The following KCNH7 variants were observed in gnomAD, a reference collection of about 807,000 sequenced individuals.
The protein encoded by KCNH7 is potassium voltage-gated channel subfamily H member 7.
In KCNH7, 49 loss-of-function variants were observed where a neutral mutation model predicts 120.8. The ratio of observed to expected loss-of-function variants is 0.41; its 90% CI spans 0.32 to 0.51. KCNH7 has a LOEUF of 0.51. Ranked by LOEUF, KCNH7 falls within the 20% of genes least tolerant of loss-of-function variation. The probability of loss-of-function intolerance (pLI) is 0.38; values close to 1 mark genes in which losing one functional copy is unlikely to be tolerated. For synonymous variants in KCNH7, 547 were observed against 516.1 expected (o/e 1.06, Z -0.81); for missense variants, 1,097 against 1,446.6 (o/e 0.76, Z 3.92).
chr2:162,767,643 G>A (rs1234629752), intron 2 of KCNH7, among the ~76,000 whole-genome samples: 1 of 152,030 alleles, frequency 6.6e-6, no homozygotes. Context: ...TTTCCCCACA[G>A]ATACAGAAGG....
chr2:162,632,206 G>A (rs1343104815), intron 2 of KCNH7, among the ~76,000 whole-genome samples: 3 of 151,966 alleles, frequency 2.0e-5, no homozygotes, highest in Non-Finnish European at 2.9e-5. Context: ...CAGCTTTTCC[G>A]TAAAGCAGGA....
At chr2:162,571,247 A>T (rs1693463436) in intron 2 of KCNH7, among the ~76,000 whole-genome samples, 1 of 152,138 alleles carries the variant, frequency 6.6e-6, no homozygotes, top group Non-Finnish European at 1.5e-5. Context: ...CTTATACACC[A>T]ACAACAGACA....
At chr2:162,455,607 A>G (rs1378144729) in intron 6 of KCNH7, among the ~76,000 whole-genome samples, 1 of 152,126 alleles carries the variant, frequency 6.6e-6, no homozygotes, top group Non-Finnish European at 1.5e-5. Flanking sequence ...TACTGCCTCA[A>G]TTTCAGAACT....
At chr2:162,465,459 T>C (rs1174283762) in intron 6 of KCNH7, among the ~76,000 whole-genome samples, 1 of 152,216 alleles carries the variant, frequency 6.6e-6, no homozygotes, top group East Asian at 1.9e-4. Context: ...TCATGTGCCC[T>C]ATACACTTAT....
chr2:162,416,875 T>C (rs1372547616), intron 9 of KCNH7, among the ~76,000 whole-genome samples: 6 of 152,180 alleles, frequency 3.9e-5, no homozygotes, highest in Admixed American at 1.3e-4. Flanking sequence ...AGGAGATTTC[T>C]TTTTAGGTAT....
At chr2:162,471,140 C>G (rs1310912886) in intron 6 of KCNH7, among the ~76,000 whole-genome samples, 1 of 151,938 alleles carries the variant, frequency 6.6e-6, no homozygotes, top group Non-Finnish European at 1.5e-5. Context: ...CCTAGGAAAA[C>G]CAGAGACCTT....
intron 14 of KCNH7, among the ~76,000 whole-genome samples, chr2:162,377,647 T>A (rs575067779): frequency 6.6e-6 from 1 of 152,138 alleles, no homozygotes; most frequent in Non-Finnish European, 1.5e-5. Flanking sequence ...GTGGATCTTA[T>A]AGAGTCTTTG....
At chr2:162,733,754 C>CATTT (rs1341454497) in intron 2 of KCNH7, among the ~76,000 whole-genome samples, 3 of 152,166 alleles carry the variant, frequency 2.0e-5, no homozygotes, top group African/African-American at 7.2e-5. Flanking sequence ...AAAGAAGGAG[C>CATTT]ATTTGATCCA....
intron 6 of KCNH7, among the ~76,000 whole-genome samples, chr2:162,486,375 TA>T (rs1203971500): frequency 1.3e-5 from 2 of 152,184 alleles, no homozygotes; most frequent in African/African-American, 4.8e-5. Flanking sequence ...TTTTCTCCAT[TA>T]CTCTGCAGCC....
At chr2:162,590,044 T>C (rs1694157426) in intron 2 of KCNH7, among the ~76,000 whole-genome samples, 1 of 152,108 alleles carries the variant, frequency 6.6e-6, no homozygotes, top group Admixed American at 6.6e-5. Context: ...CAGAAAGTGT[T>C]TGTTAAGGGA....
intron 3 of KCNH7, among the ~76,000 whole-genome samples, chr2:162,530,819 A>C (rs1393085439): frequency 6.6e-6 from 1 of 151,970 alleles, no homozygotes; most frequent in Non-Finnish European, 1.5e-5. Flanking sequence ...TCAAAGAAAA[A>C]AAATCAGCAG....
intron 6 of KCNH7, among the ~76,000 whole-genome samples, chr2:162,451,073 T>C: frequency 6.6e-6 from 1 of 152,056 alleles, no homozygotes; most frequent in South Asian, 2.1e-4. Flanking sequence ...CCTTAAATTC[T>C]ACAATCTGGG....
At chr2:162,521,506 G>T (rs1049151452) in intron 3 of KCNH7, among the ~76,000 whole-genome samples, 7 of 151,866 alleles carry the variant, frequency 4.6e-5, no homozygotes, top group African/African-American at 1.7e-4. Flanking sequence ...ACCTGTTACA[G>T]AAAATTTGAG....
At chr2:162,744,792 C>G (rs1237686013) in intron 2 of KCNH7, among the ~76,000 whole-genome samples, 1 of 152,076 alleles carries the variant, frequency 6.6e-6, no homozygotes, top group Non-Finnish European at 1.5e-5. Context: ...CCAGGATGGT[C>G]TCGGTCTCCT....
chr2:162,619,048 T>C (rs1161095895), intron 2 of KCNH7, among the ~76,000 whole-genome samples: 1 of 152,150 alleles, frequency 6.6e-6, no homozygotes, highest in Non-Finnish European at 1.5e-5. Flanking sequence ...AAAATTATTA[T>C]CTTGGACAGT....
chr2:162,515,845 A>AT (rs138122898), intron 4 of KCNH7, among the ~76,000 whole-genome samples: 2,311 of 151,816 alleles, frequency 0.015, 63 homozygotes, highest in African/African-American at 0.053. Context: ...TTGCTCTTGT[A>AT]TCTTTTTCTG....
intron 12 of KCNH7, 125 bp downstream of exon 12, chr2:162,394,264 A>C (rs1686835286): frequency 1.5e-6 from 1 of 666,822 alleles, no homozygotes; most frequent in Non-Finnish European, 2.7e-6. Flanking sequence ...GAATAAAGCA[A>C]AGGATCTGCC....
chr2:162,469,837 C>T (rs1689438078), intron 6 of KCNH7, among the ~76,000 whole-genome samples: 1 of 152,164 alleles, frequency 6.6e-6, no homozygotes. Context: ...CTACCGAGTG[C>T]CTGCGATTGC....
intron 10 of KCNH7, 89 bp downstream of exon 10, chr2:162,400,100 A>T (rs953413757): frequency 7.2e-7 from 1 of 1,387,824 alleles, no homozygotes. Context: ...TTATGAATAC[A>T]TACATCAGTC....
Sources: gnomAD v4.1 joint callset for allele counts (sites outside exome capture counted in the v4.1 genomes callset) on GRCh38, gnomAD v4.1.1 for gene constraint, MANE v1.5 for transcripts, NCBI Gene and HGNC (gene_info 2026-07-23, HGNC 2026-07-21) for gene names.